Variants in GRIK2 observed in about 807,000 individuals in gnomAD.
The protein encoded by GRIK2 is glutamate receptor ionotropic, kainate 2.
GRIK2 carries 32 observed loss-of-function variants against 100.3 expected under a neutral mutation model. That is an observed-to-expected ratio of 0.32 (90% CI 0.24 to 0.43). The LOEUF (loss-of-function observed/expected upper bound fraction) is 0.43, where lower values mean the gene tolerates loss of function less well. Among genes scored for constraint, GRIK2 ranks in the 20% least tolerant of loss-of-function variants. The pLI, the probability that GRIK2 is intolerant of heterozygous loss-of-function variation, is 1.00. For synonymous variants in GRIK2, 417 were observed against 389.4 expected (o/e 1.07, Z -0.83); for missense variants, 843 against 1,114.9 (o/e 0.76, Z 3.47).
intron 14 of GRIK2, among the ~76,000 whole-genome samples, chr6:101,961,711 G>A (rs2128482607): frequency 6.6e-6 from 1 of 152,178 alleles, no homozygotes; most frequent in Middle Eastern, 3.4e-3. Flanking sequence ...GGGCACTTCG[G>A]CATGTGACAC....
At chr6:101,472,767 G>A (rs1035053931) in intron 2 of GRIK2, among the ~76,000 whole-genome samples, 2 of 151,658 alleles carry the variant, frequency 1.3e-5, no homozygotes, top group African/African-American at 2.4e-5. Flanking sequence ...TACACTGTCC[G>A]CTTTCAAAGT....
At chr6:101,822,532 T>G (rs1354818215) in intron 10 of GRIK2, among the ~76,000 whole-genome samples, 2 of 152,128 alleles carry the variant, frequency 1.3e-5, no homozygotes, top group Non-Finnish European at 2.9e-5. Flanking sequence ...TGACTGGTGC[T>G]AATGCCTCGA....
At chr6:101,634,609 T>C (rs947453190) in intron 4 of GRIK2, among the ~76,000 whole-genome samples, 2 of 151,936 alleles carry the variant, frequency 1.3e-5, no homozygotes, top group Non-Finnish European at 1.5e-5. Flanking sequence ...GAAATAAAAA[T>C]AGGGTGATAG....
intron 15 of GRIK2, among the ~76,000 whole-genome samples, chr6:102,042,092 A>G (rs773020332): frequency 6.6e-6 from 1 of 151,064 alleles, no homozygotes; most frequent in African/African-American, 2.4e-5. Flanking sequence ...GAAAATTCCT[A>G]TCATAAGGCA....
intron 7 of GRIK2, among the ~76,000 whole-genome samples, chr6:101,794,567 A>G (rs1562392751): frequency 1.3e-5 from 2 of 151,968 alleles, no homozygotes; most frequent in Non-Finnish European, 2.9e-5. Context: ...TAGTGGTTCC[A>G]GAATTTGTTT....
intron 14 of GRIK2, among the ~76,000 whole-genome samples, chr6:101,931,000 T>A (rs1790239824): frequency 6.6e-6 from 1 of 152,178 alleles, no homozygotes; most frequent in Non-Finnish European, 1.5e-5. Context: ...GACAACTACC[T>A]TATGTTGCTA....
At chr6:101,394,307 C>T in intron 1 of GRIK2, among the ~76,000 whole-genome samples, 1 of 152,166 alleles carries the variant, frequency 6.6e-6, no homozygotes, top group East Asian at 1.9e-4. Flanking sequence ...TTAACCGGCA[C>T]CCGTATTAAG....
chr6:101,745,890 T>C (rs1329527695), intron 7 of GRIK2, among the ~76,000 whole-genome samples: 1 of 152,220 alleles, frequency 6.6e-6, no homozygotes, highest in African/African-American at 2.4e-5. Flanking sequence ...AGTTTTGAAA[T>C]ATGACTTAAA....
At chr6:101,563,411 G>C (rs1777116542) in intron 2 of GRIK2, among the ~76,000 whole-genome samples, 1 of 152,116 alleles carries the variant, frequency 6.6e-6, no homozygotes, top group African/African-American at 2.4e-5. Context: ...ATTCGATTCA[G>C]ATTTGTTGAA....
chr6:101,897,415 A>G (rs1032704080), intron 12 of GRIK2, among the ~76,000 whole-genome samples: 2 of 151,706 alleles, frequency 1.3e-5, no homozygotes, highest in Admixed American at 6.6e-5. Context: ...TGCTTGTAAG[A>G]ATACACCTCT....
intron 14 of GRIK2, among the ~76,000 whole-genome samples, chr6:101,932,506 G>A (rs920055189): frequency 3.3e-5 from 5 of 151,066 alleles, no homozygotes; most frequent in Non-Finnish European, 5.9e-5. Context: ...CTTATTCCAG[G>A]GAAACTCTCC....
intron 2 of GRIK2, among the ~76,000 whole-genome samples, chr6:101,485,695 C>A (rs531956628): frequency 4.7e-4 from 71 of 152,178 alleles, no homozygotes; most frequent in Non-Finnish European, 8.2e-4. Flanking sequence ...TTGAAATATA[C>A]TTGGATGATA....
intron 12 of GRIK2, among the ~76,000 whole-genome samples, chr6:101,922,076 TTTCCTTCCTTCCTTCC>T (rs906511587): frequency 2.4e-4 from 26 of 110,322 alleles, no homozygotes; most frequent in South Asian, 9.1e-4. Context: ...CCTTTCTCCA[TTTCCTTCCTTCCTTCC>T]TTCCTTCCTT....
At chr6:101,644,317 A>T (rs1027895097) in intron 4 of GRIK2, among the ~76,000 whole-genome samples, 1 of 151,738 alleles carries the variant, frequency 6.6e-6, no homozygotes, top group Non-Finnish European at 1.5e-5. Context: ...AGAGTAGGTA[A>T]GATAGGAAAT....
At chr6:101,971,865 G>T (rs965165462) in intron 14 of GRIK2, among the ~76,000 whole-genome samples, 1 of 151,872 alleles carries the variant, frequency 6.6e-6, no homozygotes, top group East Asian at 1.9e-4. Context: ...TTCTGTTCTT[G>T]CATTAATTCA....
Position 102,018,357 on chromosome 6 carries a change from C to T in GRIK2, c.2086-16984C>T, listed in dbSNP as rs376338156. Among the ~76,000 whole-genome samples, 84 of 152,156 alleles carry T rather than the reference C, an allele frequency of 5.5e-4. 2 individuals carry two copies. In the South Asian group the frequency reaches 0.011, roughly 20 times the overall value. On this transcript the variant is annotated intron_variant, in intron 14 of 16. Transcript: ENST00000369134. Reference sequence around the variant, plus strand: ...AGCTTGAGTTGAGTATTTTCCTTCTCGCCAAATATGTTAGGCTCTGATATA... The same window carrying T: ...AGCTTGAGTTGAGTATTTTCCTTCTTGCCAAATATGTTAGGCTCTGATATA...
chr6:102,043,590 A>AT (rs1243900133), intron 15 of GRIK2, among the ~76,000 whole-genome samples: 3 of 151,806 alleles, frequency 2.0e-5, no homozygotes, highest in African/African-American at 7.3e-5. Flanking sequence ...ACAGAATTTC[A>AT]TTATTTTTTA....
intron 7 of GRIK2, among the ~76,000 whole-genome samples, chr6:101,762,273 C>T (rs368371580): frequency 3.3e-5 from 5 of 151,914 alleles, no homozygotes; most frequent in Admixed American, 6.6e-5. Context: ...CTCCTGTGCT[C>T]GAATGATCCT....
chr6:102,042,027 A>AGAT (rs1447213239), intron 15 of GRIK2, among the ~76,000 whole-genome samples: 2 of 151,688 alleles, frequency 1.3e-5, no homozygotes, highest in Non-Finnish European at 3.0e-5. Flanking sequence ...TATTGTAATT[A>AGAT]GATAACTATC....
Sources: gnomAD v4.1 joint callset for allele counts (sites outside exome capture counted in the v4.1 genomes callset) on GRCh38, gnomAD v4.1.1 for gene constraint, MANE v1.5 for transcripts, NCBI Gene and HGNC (gene_info 2026-07-23, HGNC 2026-07-21) for gene names.